The following MYRIP variants were observed in gnomAD, a reference collection of about 807,000 sequenced individuals.
The protein encoded by MYRIP is rab effector MyRIP.
Under a neutral mutation model 98.0 loss-of-function variants are expected in MYRIP, and 49 were observed. That is an observed-to-expected ratio of 0.50 (90% CI 0.40 to 0.63). The LOEUF is 0.63. Ranked by LOEUF, MYRIP falls within the 30% of genes least tolerant of loss-of-function variation. MYRIP has a pLI of 0.00. For synonymous variants in MYRIP, 404 were observed against 409.5 expected (o/e 0.99, Z 0.16); for missense variants, 1,004 against 1,058.2 (o/e 0.95, Z 0.71).
At chr3:40,038,849 A>G (rs1417225972) in intron 2 of MYRIP, among the ~76,000 whole-genome samples, 1 of 152,108 alleles carries the variant, frequency 6.6e-6, no homozygotes, top group African/African-American at 2.4e-5. Flanking sequence ...GGTGACTCCT[A>G]CATATGCAGC....
At chr3:39,926,407 C>T (rs1166825660) in intron 2 of MYRIP, among the ~76,000 whole-genome samples, 1 of 151,992 alleles carries the variant, frequency 6.6e-6, no homozygotes, top group East Asian at 1.9e-4. Context: ...AAATTCCTTG[C>T]CAAGGTCGAT....
chr3:39,956,536 G>C (rs1468154870), intron 2 of MYRIP, among the ~76,000 whole-genome samples: 1 of 152,186 alleles, frequency 6.6e-6, no homozygotes, highest in Non-Finnish European at 1.5e-5. Context: ...GCAGTGTGTA[G>C]AGGGAAATTT....
chr3:39,943,045 C>T (rs1464505920), intron 2 of MYRIP, among the ~76,000 whole-genome samples: 1 of 152,122 alleles, frequency 6.6e-6, no homozygotes, highest in Non-Finnish European at 1.5e-5. Context: ...ATCACATGAG[C>T]ACACTTTTAG....
chr3:39,876,103 T>G (rs370882597), intron 1 of MYRIP, among the ~76,000 whole-genome samples: 4 of 152,148 alleles, frequency 2.6e-5, no homozygotes, highest in African/African-American at 9.7e-5. Flanking sequence ...TAATGGCCTT[T>G]TTTGTCTCTT....
chr3:40,196,147 C>T (rs547150149), intron 10 of MYRIP, among the ~76,000 whole-genome samples: 1 of 151,968 alleles, frequency 6.6e-6, no homozygotes, highest in African/African-American at 2.4e-5. Context: ...CTTACTTGAA[C>T]TTACCAGTCT....
intron 1 of MYRIP, among the ~76,000 whole-genome samples, chr3:39,884,593 G>A (rs145676818): frequency 6.6e-6 from 1 of 152,062 alleles, no homozygotes; most frequent in African/African-American, 2.4e-5. Context: ...AAACTGCAAG[G>A]TGTATGTATA....
chr3:39,884,857 T>G (rs1391055057), intron 1 of MYRIP, among the ~76,000 whole-genome samples: 2 of 148,916 alleles, frequency 1.3e-5, no homozygotes, highest in Non-Finnish European at 3.0e-5. Flanking sequence ...GTAGGGTAAA[T>G]TCCTAGAGGT....
At chr3:40,234,761 G>A (rs1268897588) in intron 12 of MYRIP, among the ~76,000 whole-genome samples, 3 of 152,250 alleles carry the variant, frequency 2.0e-5, no homozygotes, top group African/African-American at 7.2e-5. Context: ...TTGGGAGGCT[G>A]AGGCAGGCAG....
chr3:39,948,720 T>C (rs780779502), intron 2 of MYRIP, among the ~76,000 whole-genome samples: 1 of 151,962 alleles, frequency 6.6e-6, no homozygotes, highest in Middle Eastern at 3.4e-3. Flanking sequence ...AGAGAAAGAA[T>C]AGATTAGAGC....
chr3:40,148,506 A>T (rs1950054463), intron 3 of MYRIP, among the ~76,000 whole-genome samples: 1 of 152,074 alleles, frequency 6.6e-6, no homozygotes, highest in African/African-American at 2.4e-5. Context: ...ACATTCCAGA[A>T]AATGTATGTT....
At chr3:39,904,136 A>AT (rs1575363511) in intron 2 of MYRIP, among the ~76,000 whole-genome samples, 1 of 152,014 alleles carries the variant, frequency 6.6e-6, no homozygotes. Context: ...TTTTGTTGTA[A>AT]TTTTCTCCCC....
chr3:39,888,992 C>T (rs1266354666), intron 1 of MYRIP, among the ~76,000 whole-genome samples: 1 of 152,118 alleles, frequency 6.6e-6, no homozygotes, highest in African/African-American at 2.4e-5. Context: ...CCATCTCACA[C>T]CAGTTATAAT....
intron 4 of MYRIP, among the ~76,000 whole-genome samples, chr3:40,155,786 T>A (rs902024630): frequency 2.0e-5 from 3 of 152,180 alleles, no homozygotes; most frequent in Admixed American, 6.5e-5. Context: ...TGCATAAATG[T>A]CTTCTTTTGA....
At chr3:39,857,955 T>A (rs938487016) in intron 1 of MYRIP, among the ~76,000 whole-genome samples, 1 of 152,018 alleles carries the variant, frequency 6.6e-6, no homozygotes, top group South Asian at 2.1e-4. Flanking sequence ...TGCAAAGGCA[T>A]GCAGCAAAAG....
intron 2 of MYRIP, among the ~76,000 whole-genome samples, chr3:39,954,340 A>T (rs1208446211): frequency 6.6e-6 from 1 of 152,058 alleles, no homozygotes; most frequent in Non-Finnish European, 1.5e-5. Flanking sequence ...TCAGGCAGCA[A>T]CATTTGCCAT....
chr3:39,943,789 C>T lies in MYRIP; in HGVS notation c.110+42863C>T, dbSNP rs1350380999. On this transcript the variant is annotated intron_variant, in intron 2 of 16. Transcript: ENST00000302541. The stretch of plus-strand genomic sequence containing the variant: ...TAGGGCCAAGAGTTCACTAGCTTTC[C>T]GCTGCTATTATGTTGCAGTTTGTAT... Among the ~76,000 whole-genome samples, 7 of 152,240 alleles carry T rather than the reference C, an allele frequency of 4.6e-5. No homozygotes were observed. In the East Asian group the frequency reaches 5.8e-4, roughly 13 times the overall value.
intron 2 of MYRIP, among the ~76,000 whole-genome samples, chr3:39,999,329 C>A (rs1204657445): frequency 6.6e-6 from 1 of 152,064 alleles, no homozygotes; most frequent in African/African-American, 2.4e-5. Flanking sequence ...AACAAATTTA[C>A]AAGAAATAAA....
chr3:40,220,568 G>A (rs973596352), intron 11 of MYRIP, among the ~76,000 whole-genome samples: 1 of 152,112 alleles, frequency 6.6e-6, no homozygotes, highest in South Asian at 2.1e-4. Flanking sequence ...AAGACATAGT[G>A]CTTAAATATA....
intron 1 of MYRIP, among the ~76,000 whole-genome samples, chr3:39,841,479 C>T (rs980082030): frequency 6.6e-6 from 1 of 152,114 alleles, no homozygotes; most frequent in Admixed American, 6.5e-5. Context: ...CATTCTCCAT[C>T]CAGTTTTGTT....
Sources: gnomAD v4.1 joint callset for allele counts (sites outside exome capture counted in the v4.1 genomes callset) on GRCh38, gnomAD v4.1.1 for gene constraint, MANE v1.5 for transcripts, NCBI Gene and HGNC (gene_info 2026-07-23, HGNC 2026-07-21) for gene names.